Variants in ESD observed in about 807,000 individuals in gnomAD.
ESD encodes esterase D.
In ESD, 34 loss-of-function variants were observed where a neutral mutation model predicts 38.1. The ratio of observed to expected loss-of-function variants is 0.89; its 90% confidence interval spans 0.68 to 1.19. ESD has a LOEUF of 1.19. Ranked by LOEUF, ESD falls within the 50% of genes most tolerant of loss-of-function variation. ESD has a pLI of 0.00. For synonymous variants in ESD, 97 were observed against 107.0 expected (o/e 0.91, Z 0.58); for missense variants, 334 against 327.2 (o/e 1.02, Z -0.16).
chr13:46,778,043 G>A (rs1874866889), intron 8 of ESD, among the ~76,000 whole-genome samples: 1 of 151,434 alleles, frequency 6.6e-6, no homozygotes, highest in East Asian at 1.9e-4. Flanking sequence ...CTCTATTTCA[G>A]ATAATCTTTT....
rs1230942405 is a variant in ESD, at chr13:46,782,795, TC to T, written c.257-5del. 6.2e-7 allele frequency: 1 copy of T among 1,611,798 alleles called. No individual in the cohort carries two copies. The highest frequency in any genetic ancestry group is 1.7e-5 in the Admixed American group (1 of 59,818). On this transcript the variant is annotated splice_polypyrimidine_tract_variant and splice_region_variant and intron_variant, in intron 5 of 9. Transcript: ENST00000378720. ...TCACCTTTAATATTGCAGCCACCTA[TC>T]AAGAAACAATCTTGTGGTTTCATCT...
Position 46,771,393 on chromosome 13 carries a change from A to G in ESD, c.*23T>C. Reference sequence around the variant, plus strand: ...TTTTACAACTTTTATAATCCTGAAGAGATTCTCTTATTTGGAGTTTTTTCA... The same window carrying G: ...TTTTACAACTTTTATAATCCTGAAGGGATTCTCTTATTTGGAGTTTTTTCA... On this transcript the variant is annotated 3_prime_UTR_variant, in exon 10 of 10. Transcript: ENST00000378720. 6.8e-7 allele frequency: 1 copy of G among 1,467,510 alleles called. No homozygotes were observed. The highest frequency in any genetic ancestry group is 9.5e-7 in the Non-Finnish European group (1 of 1,056,872). The allele number at this position is 1,467,510 out of a possible 1,614,324, so 90.9% of individuals were successfully genotyped here.
intron 9 of ESD, among the ~76,000 whole-genome samples, chr13:46,773,752 C>T (rs753375304): frequency 4.6e-5 from 7 of 152,152 alleles, no homozygotes; most frequent in Non-Finnish European, 1.0e-4. Flanking sequence ...GTGAATGTGA[C>T]AGGAATGTTG....
At chr13:46,794,228 A>C (rs1159217561) in intron 1 of ESD, among the ~76,000 whole-genome samples, 2 of 152,142 alleles carry the variant, frequency 1.3e-5, no homozygotes, top group Admixed American at 6.5e-5. Context: ...GGAGTTACAC[A>C]ATTTTTCCCA....
intron 6 of ESD, among the ~76,000 whole-genome samples, chr13:46,782,044 GA>G (rs1363093693): frequency 6.6e-6 from 1 of 151,580 alleles, no homozygotes; most frequent in Non-Finnish European, 1.5e-5. Context: ...GCATATGACA[GA>G]ATATTACACA....
intron 9 of ESD, 64 bp from the exon 10 acceptor site, chr13:46,771,560 T>G: frequency 2.0e-6 from 2 of 1,008,616 alleles, no homozygotes; most frequent in Non-Finnish European, 3.1e-6. Context: ...TTAGGAACAT[T>G]AAATATATCT....
chr13:46,788,374 T>C (rs902645287), intron 3 of ESD, among the ~76,000 whole-genome samples: 1 of 152,060 alleles, frequency 6.6e-6, no homozygotes, highest in Non-Finnish European at 1.5e-5. Flanking sequence ...GTTTTTAGGT[T>C]TTCAACTTTT....
At chr13:46,780,443 C>T (rs966885968) in intron 7 of ESD, among the ~76,000 whole-genome samples, 49 of 151,838 alleles carry the variant, frequency 3.2e-4, no homozygotes, top group Middle Eastern at 3.4e-3. Context: ...ACCAACAAAG[C>T]AGTGAGCAAT....
At chr13:46,794,509 A>AT (rs1875511469) in intron 1 of ESD, among the ~76,000 whole-genome samples, 1 of 151,340 alleles carries the variant, frequency 6.6e-6, no homozygotes, top group Non-Finnish European at 1.5e-5. Flanking sequence ...TTTTTTTTTA[A>AT]TTTTTTGTAG....
In ESD at chr13:46,779,952, C is replaced by T; in HGVS notation, c.583G>A (p.Asp195Asn). Residue 195 changes from aspartate (D) to asparagine (N), a missense_variant, in exon 8 of 10, where the codon GAT becomes AAT. Transcript: ENST00000378720. ...KKAFSGYLGT[D>N]QSKWKAYDAT... Reference sequence around the variant, plus strand: ...GTACCTACCTTCCATTTACTTTGATCTGTTCCCAAATATCCACTAAAGGCT... The same window carrying T: ...GTACCTACCTTCCATTTACTTTGATTTGTTCCCAAATATCCACTAAAGGCT... 6.2e-7 allele frequency: 1 copy of T among 1,604,802 alleles called. No homozygotes were observed. The highest frequency in any genetic ancestry group is 8.5e-7 in the Non-Finnish European group (1 of 1,173,982).
chr13:46,793,090 T>G (rs982401337), intron 2 of ESD, among the ~76,000 whole-genome samples: 2 of 152,128 alleles, frequency 1.3e-5, no homozygotes, highest in African/African-American at 4.8e-5. Context: ...ATTAAAACAC[T>G]TTTTAAAAGT....
At chr13:46,787,638 A>C (rs901800710) in intron 3 of ESD, among the ~76,000 whole-genome samples, 14 of 151,898 alleles carry the variant, frequency 9.2e-5, no homozygotes, top group African/African-American at 3.1e-4. Flanking sequence ...TGCAACAGTG[A>C]TCTCTCATGG....
chr13:46,787,150 C>A, intron 3 of ESD, 41 bp from the exon 4 acceptor site: 1 of 1,169,580 alleles, frequency 8.6e-7, no homozygotes, highest in Non-Finnish European at 1.2e-6. Flanking sequence ...TAATGCCCCT[C>A]ATTAATCAAT....
At chr13:46,777,654 A>G (rs1874852117) in intron 8 of ESD, 31 bp from the exon 9 acceptor site, 2 of 1,548,680 alleles carry the variant, frequency 1.3e-6, no homozygotes, top group East Asian at 4.5e-5. Flanking sequence ...TTGAAAAATA[A>G]ATTCAAAGAT....
At chr13:46,779,858 GAATAT>G (rs2138289543) in intron 8 of ESD, 72 bp downstream of exon 8, 5 of 1,077,794 alleles carry the variant, frequency 4.6e-6, no homozygotes, top group Admixed American at 4.2e-5. Context: ...AGCAGGGTAG[GAATAT>G]AATATATGTC....
chr13:46,787,284 A>C (rs1489154790), intron 3 of ESD, among the ~76,000 whole-genome samples, 175 bp from the exon 4 acceptor site: 4 of 152,028 alleles, frequency 2.6e-5, no homozygotes, highest in Non-Finnish European at 5.9e-5. Flanking sequence ...TGTCCCTTAA[A>C]GAAAGAATGT....
intron 5 of ESD, among the ~76,000 whole-genome samples, chr13:46,783,331 T>G (rs1875077992): frequency 6.6e-6 from 1 of 151,976 alleles, no homozygotes. Flanking sequence ...CCACTGGAAT[T>G]TTCTTATGTT....
chr13:46,772,839 C>T (rs1273365899), intron 9 of ESD, among the ~76,000 whole-genome samples: 1 of 152,174 alleles, frequency 6.6e-6, no homozygotes. Flanking sequence ...TGCATGCCAC[C>T]ATGCCCAGCT....
rs146706544 is a variant in ESD, at chr13:46,777,474, A to G, written c.750T>C (p.Val250=). The change falls in exon 9 of 10, where the codon GTT becomes GTC. Residue 250 remains valine, a synonymous_variant. Transcript: ENST00000378720. ...IAACTEKKIP[V]VFRLQEGYDH... is the part of the protein sequence containing the mutation. Reference sequence around the variant, plus strand: ...TACTTGCCTCTTGCAATCGAAAAACAACGGGGATTTTCTTTTCTGTACAGG... The same window carrying G: ...TACTTGCCTCTTGCAATCGAAAAACGACGGGGATTTTCTTTTCTGTACAGG... 2.8e-5 allele frequency: 45 copies of G among 1,605,774 alleles called. No individual in the cohort carries two copies. In the African/African-American group the frequency reaches 5.5e-4, roughly 20 times the overall value.
Sources: allele counts gnomAD v4.1 joint callset (sites outside exome capture counted in the v4.1 genomes callset), GRCh38; gene constraint gnomAD v4.1.1; transcripts MANE v1.5; gene names NCBI Gene and HGNC (gene_info 2026-07-23, HGNC 2026-07-21).